The following PPFIA2 variants were observed in gnomAD, a reference collection of about 807,000 sequenced individuals.
The protein encoded by PPFIA2 is liprin-alpha-2.
A neutral mutation model predicts 175.5 loss-of-function variants in PPFIA2; 46 were observed. The observed-to-expected ratio is 0.26, with a 90% CI of 0.21 to 0.34. PPFIA2 has a LOEUF of 0.34. Ranked by LOEUF, PPFIA2 falls within the 10% of genes least tolerant of loss-of-function variation. The pLI, the probability that PPFIA2 is intolerant of heterozygous loss-of-function variation, is 1.00. For missense variants in PPFIA2, 1,179 were observed against 1,506.1 expected, an observed-to-expected ratio of 0.78 and a Z score of 3.60; for synonymous variants, 568 against 511.4, an observed-to-expected ratio of 1.11 and a Z score of -1.49.
intron 4 of PPFIA2, among the ~76,000 whole-genome samples, chr12:81,645,495 T>C (rs539572243): frequency 6.6e-6 from 1 of 152,350 alleles, no homozygotes; most frequent in East Asian, 1.9e-4. Context: ...AGAGTTTTAT[T>C]TCTACTTCGG....
intron 4 of PPFIA2, among the ~76,000 whole-genome samples, chr12:81,490,208 T>C (rs536517572): frequency 4.6e-5 from 7 of 152,084 alleles, no homozygotes; most frequent in African/African-American, 1.7e-4. Flanking sequence ...TTAGGAGTTA[T>C]AAGGTCAGCC....
intron 7 of PPFIA2, among the ~76,000 whole-genome samples, chr12:81,439,667 T>G (rs2049799740): frequency 6.6e-6 from 1 of 152,158 alleles, no homozygotes; most frequent in African/African-American, 2.4e-5. Flanking sequence ...TGTGTTCCAA[T>G]TTTGAGCTGT....
chr12:81,549,494 T>C (rs1409662435), intron 4 of PPFIA2, among the ~76,000 whole-genome samples: 2 of 151,996 alleles, frequency 1.3e-5, no homozygotes, highest in African/African-American at 4.8e-5. Context: ...CTAACTGCTG[T>C]CCCCATATCA....
rs1358849420 is a variant in PPFIA2 at position 81,529,361 on chromosome 12, ATAAAG to A, written c.304-71500_304-71496del. 7.2e-5 allele frequency among the ~76,000 whole-genome samples: 11 copies of A among 152,040 alleles called. No homozygotes were observed. The East Asian group carries it at 1.3e-3, about 19-fold the overall frequency. On this transcript the variant is annotated intron_variant, in intron 4 of 32. Transcript: ENST00000549396. ...TTATTTACTTTTTCAGCATCAAGTG[ATAAAG>A]TAATGTCTTAATTTTCTTGAATTTA...
At chr12:81,518,303 T>C (rs2062707555) in intron 4 of PPFIA2, among the ~76,000 whole-genome samples, 1 of 152,126 alleles carries the variant, frequency 6.6e-6, no homozygotes, top group Admixed American at 6.6e-5. Flanking sequence ...CATATCTATG[T>C]CCTGCTAATA....
At chr12:81,612,826 C>T (rs1341930303) in intron 4 of PPFIA2, among the ~76,000 whole-genome samples, 2 of 152,110 alleles carry the variant, frequency 1.3e-5, no homozygotes, top group Non-Finnish European at 2.9e-5. Flanking sequence ...ACATTATCTA[C>T]ATAAATACAC....
chr12:81,377,198 C>T (rs1215357987), intron 9 of PPFIA2, among the ~76,000 whole-genome samples: 6 of 151,550 alleles, frequency 4.0e-5, no homozygotes, highest in African/African-American at 1.5e-4. Flanking sequence ...TTTATACGTG[C>T]CATTATTTGA....
intron 4 of PPFIA2, among the ~76,000 whole-genome samples, chr12:81,459,206 C>T (rs1316492226): frequency 2.0e-5 from 3 of 151,948 alleles, no homozygotes; most frequent in South Asian, 4.1e-4. Flanking sequence ...CCCTGATTGC[C>T]GCCTGCTTAA....
rs376158470 is a variant in PPFIA2 at position 81,561,784 on chromosome 12, G to A, written c.304-103918C>T. ...GGGTCTCCACTTTCTAGGCTTGCTT[G>A]GTTTTTGTTTTCTGAGTCTGGTTCA... On this transcript the variant is annotated intron_variant, in intron 4 of 32. Coordinates refer to ENST00000549396, the MANE Select transcript of PPFIA2 (RefSeq NM_003625.5). Among the ~76,000 whole-genome samples, 5 of 152,056 alleles carry A rather than the reference G, an allele frequency of 3.3e-5. No homozygotes were observed. The South Asian group carries it at 6.2e-4, about 19-fold the overall frequency.
chr12:81,651,209 G>C (rs1250929932), intron 4 of PPFIA2, among the ~76,000 whole-genome samples: 2 of 152,136 alleles, frequency 1.3e-5, no homozygotes, highest in African/African-American at 2.4e-5. Flanking sequence ...AGAGAAAAGT[G>C]AGTTAATGGA....
intron 4 of PPFIA2, among the ~76,000 whole-genome samples, chr12:81,541,152 T>G (rs989496498): frequency 1.3e-5 from 2 of 152,172 alleles, no homozygotes; most frequent in African/African-American, 4.8e-5. Flanking sequence ...TACATGTTGT[T>G]AAATAGTCTT....
At chr12:81,705,583 G>A in intron 3 of PPFIA2, among the ~76,000 whole-genome samples, 1 of 152,004 alleles carries the variant, frequency 6.6e-6, no homozygotes. Context: ...AATATACATT[G>A]CAACAGGTGG....
At chr12:81,684,255 T>C (rs1039869862) in intron 3 of PPFIA2, among the ~76,000 whole-genome samples, 1 of 152,074 alleles carries the variant, frequency 6.6e-6, no homozygotes, top group Non-Finnish European at 1.5e-5. Context: ...TCGGAGACTA[T>C]ACAGAAGAAC....
In PPFIA2 at chr12:81,333,046, T is replaced by A. The variant is rs563062756; in HGVS notation, c.2548+6134A>T. On this transcript the variant is annotated intron_variant, in intron 21 of 32. Transcript: ENST00000549396. ...ATTCATAGATTCAGTATTCCTAGGG[T>A]TGAAGTAGATCTTAAAGATCATCCA... 4.6e-5 allele frequency among the ~76,000 whole-genome samples: 7 copies of A among 152,218 alleles called. No individual in the cohort carries two copies. In the South Asian group the frequency reaches 1.5e-3, roughly 32 times the overall value.
intron 3 of PPFIA2, among the ~76,000 whole-genome samples, chr12:81,743,227 G>A (rs2082548132): frequency 1.3e-5 from 2 of 151,622 alleles, no homozygotes; most frequent in African/African-American, 4.8e-5. Flanking sequence ...GATCATCCTG[G>A]CTAACACAGT....
At chr12:81,624,531 A>C (rs1330182075) in intron 4 of PPFIA2, among the ~76,000 whole-genome samples, 1 of 146,854 alleles carries the variant, frequency 6.8e-6, no homozygotes, top group East Asian at 1.9e-4. Flanking sequence ...CATATTACAT[A>C]TGTATAACAC....
At chr12:81,353,579 A>G (rs2060384886) in intron 16 of PPFIA2, among the ~76,000 whole-genome samples, 1 of 152,176 alleles carries the variant, frequency 6.6e-6, no homozygotes, top group Non-Finnish European at 1.5e-5. Context: ...ATAAACTTCT[A>G]TATGTTTTAT....
intron 4 of PPFIA2, among the ~76,000 whole-genome samples, chr12:81,613,182 G>A (rs1207316093): frequency 1.3e-5 from 2 of 152,078 alleles, no homozygotes; most frequent in Non-Finnish European, 2.9e-5. Context: ...TTACATTAAA[G>A]CTCTAGAGCG....
intron 4 of PPFIA2, among the ~76,000 whole-genome samples, chr12:81,662,668 T>A (rs892814356): frequency 2.6e-5 from 4 of 151,956 alleles, no homozygotes; most frequent in Non-Finnish European, 4.4e-5. Context: ...TCCAATCAAT[T>A]GAAAAAGAAG....
Sources: allele counts gnomAD v4.1 joint callset (sites outside exome capture counted in the v4.1 genomes callset), GRCh38; gene constraint gnomAD v4.1.1; transcripts MANE v1.5; gene names NCBI Gene and HGNC (gene_info 2026-07-23, HGNC 2026-07-21).